RNF170: variants seen among roughly 807,000 people sequenced by gnomAD.
The protein encoded by RNF170 is E3 ubiquitin-protein ligase RNF170.
Under a neutral mutation model 32.7 loss-of-function variants are expected in RNF170, and 12 were observed. The observed-to-expected ratio is 0.37, with a 90% CI of 0.24 to 0.60. The LOEUF is 0.60. RNF170 is among the 20% of genes least tolerant of loss of function. The pLI is 0.72. For synonymous variants in RNF170, 91 were observed against 103.6 expected (o/e 0.88, Z 0.74); for missense variants, 212 against 311.2 (o/e 0.68, Z 2.40).
chr8:42,878,418 C>G (rs957384034), intron 2 of RNF170, among the ~76,000 whole-genome samples: 5 of 152,144 alleles, frequency 3.3e-5, no homozygotes, highest in African/African-American at 1.2e-4. Context: ...AGCAAAACAG[C>G]TTTATTGCTG....
At chr8:42,887,652 G>A in intron 2 of RNF170, 76 bp downstream of exon 2, 2 of 1,267,046 alleles carry the variant, frequency 1.6e-6, no homozygotes, top group Non-Finnish European at 1.2e-6. Flanking sequence ...TTCATATTAA[G>A]TATTATACAT....
upstream of RNF170, chr8:42,897,060 C>T (rs1052030870): frequency 2.6e-6 from 3 of 1,153,370 alleles, no homozygotes; most frequent in Admixed American, 8.5e-5. Context: ...CTGCGCGGGC[C>T]CCCGGATCCC....
chr8:42,869,955 G>C (rs761691243), intron 4 of RNF170, 49 bp downstream of exon 4: 1 of 1,313,654 alleles, frequency 7.6e-7, no homozygotes, highest in Non-Finnish European at 1.1e-6. Flanking sequence ...ACACATAGAG[G>C]TCTTGGTCTA....
intron 1 of RNF170, among the ~76,000 whole-genome samples, chr8:42,890,596 T>C (rs1191111206): frequency 6.6e-6 from 1 of 152,142 alleles, no homozygotes; most frequent in Non-Finnish European, 1.5e-5. Context: ...ACTCTTAAGA[T>C]ATTGCTTCAT....
chr8:42,890,479 G>A lies in RNF170; in HGVS notation c.-7-2608C>T, dbSNP rs868053910. Among the ~76,000 whole-genome samples, 24 of 151,912 alleles carry A rather than the reference G, an allele frequency of 1.6e-4. 1 individual carries two copies. Among genetic ancestry groups the A allele is most frequent in the African/African-American group, 5.3e-4 (22 of 41,460 alleles). On this transcript the variant is annotated intron_variant, in intron 1 of 6. Transcript: ENST00000527424. ...TTTTTAGTAGAGATGGGGTTTCACT[G>A]TGTTAGCCAGGATGGTCTTGATCTC...
At chr8:42,861,948 CT>C (rs778700894) in intron 5 of RNF170, 93 bp from the exon 6 acceptor site, 57 of 1,318,078 alleles carry the variant, frequency 4.3e-5, no homozygotes, top group African/African-American at 6.0e-5. Context: ...ATAAAGGCTT[CT>C]ATATTTATAT....
chr8:42,865,676 A>T (rs1181251696), intron 4 of RNF170, among the ~76,000 whole-genome samples, 187 bp from the exon 5 acceptor site: 3 of 152,172 alleles, frequency 2.0e-5, no homozygotes, highest in Admixed American at 6.5e-5. Context: ...GCCATTAAAA[A>T]TTTTTTTATT....
chr8:42,851,479 C>T (rs979737857), downstream of RNF170, among the ~76,000 whole-genome samples: 2 of 151,054 alleles, frequency 1.3e-5, no homozygotes, highest in Non-Finnish European at 2.9e-5. Context: ...GCAGGAGAAT[C>T]GCTTGAGCCC....
At chr8:42,893,736 T>A (rs1424273614) in intron 1 of RNF170, among the ~76,000 whole-genome samples, 3 of 152,330 alleles carry the variant, frequency 2.0e-5, no homozygotes, top group East Asian at 3.9e-4. Context: ...TGTTTTGATA[T>A]GATAAAAACT....
chr8:42,881,218 A>G (rs1457019466), intron 2 of RNF170: 1 of 152,202 alleles, frequency 6.6e-6, no homozygotes, highest in East Asian at 1.9e-4. Flanking sequence ...TCAATTCTCC[A>G]TAGAAGACAG....
chr8:42,888,742 G>A (rs564504926), intron 1 of RNF170, among the ~76,000 whole-genome samples: 1 of 152,134 alleles, frequency 6.6e-6, no homozygotes, highest in Admixed American at 6.5e-5. Flanking sequence ...CTGGGAGACA[G>A]AGCAAGACCC....
Position 42,854,726 on chromosome 8 carries a change from T to C in RNF170, c.*1433A>G, listed in dbSNP as rs1803113453. The C allele has an allele frequency of 7.8e-7, 1 of 1,287,372 alleles. No individual in the cohort carries two copies. The highest frequency in any genetic ancestry group is 1.0e-6 in the Non-Finnish European group (1 of 988,600). The allele number at this position is 1,287,372 out of a possible 1,614,324, so 79.7% of individuals were successfully genotyped here. ...TAATGGATGATATTAATAGCAGTGA[T>C]CTCAGATGACAATGCTAACACTGAC... is the stretch of plus-strand genomic sequence containing the variant. On this transcript the variant is annotated 3_prime_UTR_variant, in exon 7 of 7. Coordinates refer to ENST00000527424, the MANE Select transcript of RNF170 (RefSeq NM_030954.4).
intron 2 of RNF170, among the ~76,000 whole-genome samples, chr8:42,878,452 T>C (rs1266082954): frequency 6.6e-6 from 1 of 152,216 alleles, no homozygotes; most frequent in Non-Finnish European, 1.5e-5. Flanking sequence ...CTGAGTACTC[T>C]GGATAGAAGA....
intron 3 of RNF170, among the ~76,000 whole-genome samples, chr8:42,871,245 T>C (rs1460159344): frequency 1.3e-5 from 2 of 152,180 alleles, no homozygotes; most frequent in Non-Finnish European, 2.9e-5. Context: ...TTTTATGTTA[T>C]TGTATTGTAA....
At position 42,854,377 on chromosome 8, in the gene RNF170, T is replaced by A. The variant is rs1411070687; in HGVS notation, c.*1782A>T. The A allele has an allele frequency of 7.8e-7, 1 of 1,287,234 alleles. No homozygotes were observed. Among genetic ancestry groups the A allele is most frequent in the East Asian group, 5.5e-5 (1 of 18,028 alleles). 79.7% of individuals were successfully genotyped at this position (1,287,234 alleles called of 1,614,324 possible). On this transcript the variant is annotated 3_prime_UTR_variant, in exon 7 of 7. Transcript: ENST00000527424. Reference sequence around the variant, plus strand: ...TTTGATCAGTTATTTGTTGTATGACTTCATTCAAAAACACTTTCATCAATA... The same window carrying A: ...TTTGATCAGTTATTTGTTGTATGACATCATTCAAAAACACTTTCATCAATA...
rs1452671344 is a variant in RNF170 at position 42,855,778 on chromosome 8, C to T, written c.*381G>A. ...ACAGCTATATATTATCATATAGGTA[C>T]CTGCTGAGAAGGATAAGATGGATAA... On this transcript the variant is annotated 3_prime_UTR_variant, in exon 7 of 7. Coordinates refer to ENST00000527424, the MANE Select transcript of RNF170 (RefSeq NM_030954.4). 8.0e-7 allele frequency: 1 copy of T among 1,248,204 alleles called. No homozygotes were observed. Among genetic ancestry groups the T allele is most frequent in the Non-Finnish European group, 1.0e-6 (1 of 957,038 alleles). The allele number at this position is 1,248,204 out of a possible 1,614,324, so 77.3% of individuals were successfully genotyped here.
intron 4 of RNF170, among the ~76,000 whole-genome samples, chr8:42,866,627 CA>C (rs1331685832): frequency 6.6e-6 from 1 of 151,138 alleles, no homozygotes; most frequent in East Asian, 1.9e-4. Flanking sequence ...TCAAAAGACA[CA>C]AAAAGATTAT....
chr8:42,896,474 C>G lies in RNF170; in HGVS notation c.-8+10G>C, dbSNP rs765260722. On this transcript the variant is annotated intron_variant, in intron 1 of 6. Coordinates refer to ENST00000527424, the MANE Select transcript of RNF170 (RefSeq NM_030954.4). ...ATAGGGTGGGCGTGGCCGCCGCGCG[C>G]CGGACGTACCTCTCCACCGCGAAGG... 2 of 453,840 alleles carry G rather than the reference C, an allele frequency of 4.4e-6. No individual in the cohort carries two copies. The highest frequency in any genetic ancestry group is 8.8e-6 in the Non-Finnish European group (2 of 226,654). The allele number at this position is 453,840 out of a possible 1,614,324, so 28.1% of individuals were successfully genotyped here.
At chr8:42,865,327 CAATA>C (rs1804003952) in intron 5 of RNF170, 85 bp downstream of exon 5, 7 of 937,456 alleles carry the variant, frequency 7.5e-6, no homozygotes, top group Admixed American at 1.7e-5. Flanking sequence ...GCTAAAAAGA[CAATA>C]ATAATTCCAA....
Sources: gnomAD v4.1 joint callset for allele counts (sites outside exome capture counted in the v4.1 genomes callset) on GRCh38, gnomAD v4.1.1 for gene constraint, MANE v1.5 for transcripts, NCBI Gene and HGNC (gene_info 2026-07-23, HGNC 2026-07-21) for gene names.